Variants in DOCK3 observed in about 807,000 individuals in gnomAD.
DOCK3 encodes dedicator of cytokinesis 3, also known as dedicator of cytokinesis protein 3.
A neutral mutation model predicts 265.6 loss-of-function variants in DOCK3; 60 were observed. That is an observed-to-expected ratio of 0.23 (90% CI 0.18 to 0.28). The LOEUF (loss-of-function observed/expected upper bound fraction) is 0.28. Ranked by LOEUF, DOCK3 falls within the 10% of genes least tolerant of loss-of-function variation. DOCK3 has a pLI of 1.00. For synonymous variants in DOCK3, 881 were observed against 938.0 expected (o/e 0.94, Z 1.11); for missense variants, 1,981 against 2,594.3 (o/e 0.76, Z 5.14).
chr3:50,947,939 T>C (rs1213966020), intron 5 of DOCK3, among the ~76,000 whole-genome samples: 1 of 148,658 alleles, frequency 6.7e-6, no homozygotes, highest in Non-Finnish European at 1.5e-5. Flanking sequence ...CACTGCAAGC[T>C]CCACCTCCCA....
intron 2 of DOCK3, among the ~76,000 whole-genome samples, chr3:50,836,365 A>G (rs1187274266): frequency 1.3e-5 from 2 of 152,230 alleles, no homozygotes; most frequent in Non-Finnish European, 2.9e-5. Flanking sequence ...GGAGGTTCCT[A>G]AACCTCAATT....
chr3:51,006,873 A>G (rs199659083), intron 5 of DOCK3, among the ~76,000 whole-genome samples: 73 of 152,120 alleles, frequency 4.8e-4, no homozygotes, highest in African/African-American at 1.7e-3. Flanking sequence ...AACATGCGGT[A>G]TTTGGTTTTC....
intron 6 of DOCK3, among the ~76,000 whole-genome samples, chr3:51,067,021 C>A (rs2081614924): frequency 6.6e-6 from 1 of 152,086 alleles, no homozygotes; most frequent in African/African-American, 2.4e-5. Flanking sequence ...CTAATTCTGC[C>A]TCTTCAAACC....
intron 4 of DOCK3, 74 bp from the exon 5 acceptor site, chr3:50,933,906 AG>A: frequency 2.1e-6 from 2 of 942,310 alleles, no homozygotes; most frequent in Non-Finnish European, 3.1e-6. Context: ...TTAAACAAGT[AG>A]AAAAAGACAG....
intron 23 of DOCK3, among the ~76,000 whole-genome samples, chr3:51,268,980 G>A (rs1488766848): frequency 6.6e-6 from 1 of 151,970 alleles, no homozygotes; most frequent in Admixed American, 6.6e-5. Context: ...CCTGTACTGA[G>A]TGGCACACTC....
intron 10 of DOCK3, among the ~76,000 whole-genome samples, chr3:51,148,521 A>G (rs2085411114): frequency 6.6e-6 from 1 of 152,144 alleles, no homozygotes. Flanking sequence ...ATTTTTGTAT[A>G]AGGTGTAAGG....
chr3:51,058,416 A>T (rs2081278787), intron 5 of DOCK3, among the ~76,000 whole-genome samples: 2 of 152,234 alleles, frequency 1.3e-5, no homozygotes, highest in African/African-American at 4.8e-5. Context: ...CTTGATTAAA[A>T]AAAACCATGT....
chr3:51,293,720 G>A (rs755784126), intron 27 of DOCK3, among the ~76,000 whole-genome samples: 1 of 152,082 alleles, frequency 6.6e-6, no homozygotes, highest in Non-Finnish European at 1.5e-5. Context: ...TCAGATAAGG[G>A]ACTAATATCC....
At chr3:50,687,694 T>C (rs1177012724) in intron 1 of DOCK3, among the ~76,000 whole-genome samples, 1 of 152,246 alleles carries the variant, frequency 6.6e-6, no homozygotes, top group African/African-American at 2.4e-5. Context: ...GTGCATAGAC[T>C]TACATTCTGA....
At chr3:50,755,947 C>T (rs553266049) in intron 1 of DOCK3, among the ~76,000 whole-genome samples, 10 of 152,200 alleles carry the variant, frequency 6.6e-5, no homozygotes, top group South Asian at 6.2e-4. Flanking sequence ...AGTTTTAGAA[C>T]GGTAGTGAGA....
Position 51,330,130 on chromosome 3 carries a change from C to T in DOCK3, c.3403-8C>T, listed in dbSNP as rs1446736228. 3.8e-6 allele frequency: 6 copies of T among 1,594,992 alleles called. No homozygotes were observed. The highest frequency in any genetic ancestry group is 1.1e-5 in the South Asian group (1 of 87,424). ...TCTCAGGTTTATGAAGTCTCTGCTT[C>T]CTTCTAGGTGGAGGCCGAGTTGATT... On this transcript the variant is annotated splice_region_variant and splice_polypyrimidine_tract_variant and intron_variant, in intron 32 of 52. Coordinates refer to ENST00000266037, the MANE Select transcript of DOCK3 (RefSeq NM_004947.5).
chr3:51,072,075 G>A (rs2081897948), intron 6 of DOCK3, among the ~76,000 whole-genome samples: 1 of 152,120 alleles, frequency 6.6e-6, no homozygotes, highest in Admixed American at 6.5e-5. Flanking sequence ...TCTAGGAGAG[G>A]GAAAACACTC....
At chr3:50,872,647 G>A (rs2047487213) in intron 3 of DOCK3, among the ~76,000 whole-genome samples, 1 of 152,208 alleles carries the variant, frequency 6.6e-6, no homozygotes, top group Admixed American at 6.5e-5. Context: ...CCCAGTTCCT[G>A]GGTGAGTTTA....
intron 4 of DOCK3, among the ~76,000 whole-genome samples, chr3:50,931,210 C>A (rs771007051): frequency 6.6e-6 from 1 of 152,166 alleles, no homozygotes; most frequent in Non-Finnish European, 1.5e-5. Flanking sequence ...CTTTTTATAG[C>A]ATAGTACAGT....
At chr3:50,930,773 C>T (rs1409478497) in intron 4 of DOCK3, among the ~76,000 whole-genome samples, 8 of 152,188 alleles carry the variant, frequency 5.3e-5, no homozygotes, top group Admixed American at 6.5e-5. Flanking sequence ...CGACCCTGGG[C>T]GGGCTTGTGC....
chr3:51,085,725 T>C (rs972325516), intron 7 of DOCK3, among the ~76,000 whole-genome samples: 8 of 151,680 alleles, frequency 5.3e-5, no homozygotes, highest in African/African-American at 1.9e-4. Context: ...ATTGGAAAGA[T>C]TTCAAATAAA....
intron 9 of DOCK3, among the ~76,000 whole-genome samples, chr3:51,121,723 G>A (rs887389817): frequency 6.6e-6 from 1 of 152,124 alleles, no homozygotes; most frequent in Non-Finnish European, 1.5e-5. Context: ...GGGAGAGAAA[G>A]GGGCAAGAGT....
chr3:51,304,652 A>G (rs1560395551), intron 27 of DOCK3, among the ~76,000 whole-genome samples: 1 of 152,194 alleles, frequency 6.6e-6, no homozygotes, highest in East Asian at 1.9e-4. Flanking sequence ...CTGTGGAAAA[A>G]GCATGGTTTC....
rs1184148194 is a variant in DOCK3 at position 51,361,150 on chromosome 3, C to G, written c.5006+518C>G. 6.6e-6 allele frequency among the ~76,000 whole-genome samples: 1 copy of G among 152,198 alleles called. No homozygotes were observed. Among genetic ancestry groups the G allele is most frequent in the Non-Finnish European group, 1.5e-5 (1 of 68,032 alleles). On this transcript the variant is annotated intron_variant, in intron 47 of 52. Transcript: ENST00000266037. The surrounding 1 kb of genome is among the most constrained non-coding windows in gnomAD (Gnocchi z 4.2). ...AGAAACAGCATAGTGATGTGAACAT[C>G]AAAGACTGGTTTGCCTGGGCTCAAC...
Sources: gnomAD v4.1 joint callset for allele counts (sites outside exome capture counted in the v4.1 genomes callset) on GRCh38, gnomAD v4.1.1 for gene constraint, Gnocchi (gnomAD v3.1) non-coding constraint, MANE v1.5 for transcripts, NCBI Gene and HGNC (gene_info 2026-07-23, HGNC 2026-07-21) for gene names.